The following MAGI3 variants were observed in gnomAD, a reference collection of about 807,000 sequenced individuals.
The protein encoded by MAGI3 is membrane associated guanylate kinase, WW and PDZ domain containing 3, also known as membrane-associated guanylate kinase, WW and PDZ domain-containing protein 3.
Under a neutral mutation model 121.8 loss-of-function variants are expected in MAGI3, and 43 were observed. The ratio of observed to expected loss-of-function variants is 0.35; its 90% CI spans 0.28 to 0.46. MAGI3 has a LOEUF of 0.46. Among genes scored for constraint, MAGI3 ranks in the 20% least tolerant of loss-of-function variants. The pLI is 1.00. For synonymous variants in MAGI3, 553 were observed against 639.3 expected (o/e 0.86, Z 2.04); for missense variants, 1,547 against 1,797.3 (o/e 0.86, Z 2.52).
chr1:113,602,100 A>G (rs796183104), intron 6 of MAGI3, among the ~76,000 whole-genome samples: 1 of 66,676 alleles, frequency 1.5e-5, no homozygotes, highest in African/African-American at 6.4e-5. Flanking sequence ...AAGGGATAGC[A>G]TTAGGAGATA....
intron 1 of MAGI3, among the ~76,000 whole-genome samples, chr1:113,453,387 C>A (rs542813489): frequency 1.3e-5 from 2 of 152,196 alleles, no homozygotes; most frequent in East Asian, 3.9e-4. Flanking sequence ...TTTTTTATAA[C>A]AATTTTTCTT....
intron 1 of MAGI3, among the ~76,000 whole-genome samples, chr1:113,462,068 C>G (rs949709073): frequency 6.6e-6 from 1 of 152,088 alleles, no homozygotes; most frequent in Non-Finnish European, 1.5e-5. Flanking sequence ...AAATAACATG[C>G]TGGTGAGATT....
intron 13 of MAGI3, among the ~76,000 whole-genome samples, chr1:113,650,813 G>T (rs1653118352): frequency 6.6e-6 from 1 of 152,144 alleles, no homozygotes; most frequent in East Asian, 1.9e-4. Flanking sequence ...ATCTATAAGG[G>T]ATTACATAAT....
At chr1:113,629,886 C>T (rs997162672) in intron 9 of MAGI3, among the ~76,000 whole-genome samples, 5 of 150,776 alleles carry the variant, frequency 3.3e-5, no homozygotes, top group Admixed American at 6.6e-5. Context: ...TGGGACTGCG[C>T]TGGGTGAGAC....
At chr1:113,432,373 G>T (rs1653343274) in intron 1 of MAGI3, among the ~76,000 whole-genome samples, 1 of 152,168 alleles carries the variant, frequency 6.6e-6, no homozygotes, top group African/African-American at 2.4e-5. Flanking sequence ...TAGGGTCACA[G>T]TAGCAGAGCC....
intron 12 of MAGI3, 135 bp downstream of exon 12, chr1:113,646,777 C>A: frequency 1.5e-6 from 1 of 653,944 alleles, no homozygotes; most frequent in Non-Finnish European, 2.4e-6. Flanking sequence ...GAACTCTGGA[C>A]TTCTTCCATG....
chr1:113,534,215 C>T (rs1022229869), intron 1 of MAGI3, among the ~76,000 whole-genome samples: 1 of 152,164 alleles, frequency 6.6e-6, no homozygotes, highest in Non-Finnish European at 1.5e-5. Flanking sequence ...GCTGTTAGTG[C>T]CCTCCAACTG....
chr1:113,562,853 G>A (rs1055458884), intron 2 of MAGI3, among the ~76,000 whole-genome samples: 1 of 152,172 alleles, frequency 6.6e-6, no homozygotes, highest in African/African-American at 2.4e-5. Context: ...TTGGAAAACA[G>A]AAAACTTTAG....
chr1:113,431,127 C>A (rs774871785), intron 1 of MAGI3, among the ~76,000 whole-genome samples: 1 of 151,956 alleles, frequency 6.6e-6, no homozygotes. Context: ...GGGGCCTGGG[C>A]GATGGAGTGA....
chr1:113,416,401 AT>A lies in MAGI3; in HGVS notation c.316+25054del, dbSNP rs1281109709. The stretch of plus-strand genomic sequence containing the variant: ...TATTAATAATATATATTAATTATTA[AT>A]TAATTAATAATTAATAATTAATAAT... On this transcript the variant is annotated intron_variant, in intron 1 of 20. Coordinates refer to ENST00000307546, the MANE Select transcript of MAGI3 (RefSeq NM_001142782.2). Among the ~76,000 whole-genome samples, 211 of 32,406 alleles carry A rather than the reference AT, an allele frequency of 6.5e-3. 1 individual carries two copies. The highest frequency in any genetic ancestry group is 0.013 in the South Asian group (11 of 824). The allele number at this position is 32,406 out of a possible 152,430, so 21.3% of individuals were successfully genotyped here.
intron 1 of MAGI3, among the ~76,000 whole-genome samples, chr1:113,481,154 A>G (rs1163688062): frequency 6.6e-6 from 1 of 152,030 alleles, no homozygotes; most frequent in East Asian, 1.9e-4. Context: ...TAATTTTCCT[A>G]GTTTTCTTCA....
At chr1:113,408,002 G>A (rs1310179693) in intron 1 of MAGI3, among the ~76,000 whole-genome samples, 1 of 152,092 alleles carries the variant, frequency 6.6e-6, no homozygotes, top group Non-Finnish European at 1.5e-5. Flanking sequence ...GGTTCAGGAA[G>A]GTAGCTTGGG....
chr1:113,541,838 T>C (rs750251810), intron 1 of MAGI3, among the ~76,000 whole-genome samples: 1 of 152,222 alleles, frequency 6.6e-6, no homozygotes, highest in African/African-American at 2.4e-5. Flanking sequence ...GGAACTCTTA[T>C]CTCAGATTGT....
intron 4 of MAGI3, among the ~76,000 whole-genome samples, chr1:113,588,855 T>C (rs1648535605): frequency 1.3e-5 from 2 of 151,912 alleles, no homozygotes; most frequent in South Asian, 4.2e-4. Context: ...TCTTTCAAGG[T>C]GGTTTGGTGT....
At chr1:113,660,775 T>TTC (rs1653747874) in intron 16 of MAGI3, among the ~76,000 whole-genome samples, 1 of 149,056 alleles carries the variant, frequency 6.7e-6, no homozygotes, top group Non-Finnish European at 1.5e-5. Flanking sequence ...AATTTTTTTT[T>TTC]TTTTTTTTTT....
At chr1:113,481,959 C>CTT (rs147995749) in intron 1 of MAGI3, among the ~76,000 whole-genome samples, 10 of 148,960 alleles carry the variant, frequency 6.7e-5, no homozygotes, top group African/African-American at 2.5e-4. Context: ...TTCATTCTCT[C>CTT]TTTTTTTTTT....
intron 2 of MAGI3, among the ~76,000 whole-genome samples, chr1:113,560,414 C>T: frequency 7.6e-6 from 1 of 131,460 alleles, no homozygotes; most frequent in South Asian, 2.3e-4. Context: ...CAAAAAAAAC[C>T]AAAAAAACAA....
intron 9 of MAGI3, among the ~76,000 whole-genome samples, chr1:113,641,131 T>A (rs1486580832): frequency 3.0e-5 from 1 of 32,938 alleles, no homozygotes; most frequent in Admixed American, 2.4e-4. Flanking sequence ...ATATATATTA[T>A]ATATATGATA....
chr1:113,428,628 G>A (rs1653143405), intron 1 of MAGI3, among the ~76,000 whole-genome samples: 1 of 152,134 alleles, frequency 6.6e-6, no homozygotes, highest in African/African-American at 2.4e-5. Context: ...TTAATAACAT[G>A]TTTTATTGAG....
Sources: allele counts gnomAD v4.1 joint callset (sites outside exome capture counted in the v4.1 genomes callset), GRCh38; gene constraint gnomAD v4.1.1; transcripts MANE v1.5; gene names NCBI Gene and HGNC (gene_info 2026-07-23, HGNC 2026-07-21).